HDX: variants seen among roughly 807,000 people sequenced by gnomAD.
HDX encodes the protein highly divergent homeobox.
HDX carries 19 observed loss-of-function variants against 45.2 expected under a neutral mutation model. The ratio of observed to expected loss-of-function variants is 0.42; its 90% CI spans 0.29 to 0.62. The LOEUF (loss-of-function observed/expected upper bound fraction) is 0.62. Among genes scored for constraint, HDX ranks in the 20% least tolerant of loss-of-function variants. HDX has a pLI of 0.20. For missense variants in HDX, 532 were observed against 493.9 expected (o/e 1.08, Z -0.73); for synonymous variants, 188 against 172.8 (o/e 1.09, Z -0.69).
intron 6 of HDX, among the ~76,000 whole-genome samples, chrX:84,359,365 C>A (rs2037563446): frequency 9.2e-6 from 1 of 109,032 alleles, no homozygotes; most frequent in South Asian, 4.1e-4. Context: ...CCAACAGGCC[C>A]CAGTGTGTGT....
Position 84,333,917 on chromosome X carries a change from G to A in HDX, c.1741-75C>T, listed in dbSNP as rs187611715. The A allele has an allele frequency of 7.8e-4, 337 of 429,655 alleles. 2 individuals are homozygous for A. Among genetic ancestry groups the A allele is most frequent in the African/African-American group, 7.3e-3 (290 of 39,465 alleles). The allele number at this position is 429,655 out of a possible 1,213,427, so 35.4% of individuals were successfully genotyped here. A position where few individuals can be genotyped will look rare whatever the true frequency, so the allele number is the denominator to read the frequency against. On this transcript the variant is annotated intron_variant, in intron 8 of 10. Transcript: ENST00000373177. ...ACACTCAGCAATGCATAGAAAATAT[G>A]CATTCAATGTTTAGGTTATCTAGTC...
chrX:84,332,891 T>G (rs1388919609), intron 9 of HDX, among the ~76,000 whole-genome samples: 1 of 112,045 alleles, frequency 8.9e-6, no homozygotes, highest in Admixed American at 9.5e-5. Context: ...TTATGAATAT[T>G]TGGAAAACAG....
intron 5 of HDX, among the ~76,000 whole-genome samples, chrX:84,409,552 G>T (rs777218525): frequency 9.3e-6 from 1 of 107,509 alleles, no homozygotes; most frequent in African/African-American, 3.4e-5. Flanking sequence ...CATAAAAAAT[G>T]ATGAGTTCAT....
At chrX:84,341,338 C>A (rs2037080918) in intron 7 of HDX, among the ~76,000 whole-genome samples, 1 of 111,279 alleles carries the variant, frequency 9.0e-6, no homozygotes, top group Non-Finnish European at 1.9e-5. Context: ...TGCAATATTT[C>A]TTTTTTTCTT....
At chrX:84,396,015 TTCAAAAA>T (rs2038553377) in intron 5 of HDX, among the ~76,000 whole-genome samples, 1 of 112,125 alleles carries the variant, frequency 8.9e-6, no homozygotes, top group Non-Finnish European at 1.9e-5. Flanking sequence ...TCCCTGAGTT[TTCAAAAA>T]TCATTATTAC....
chrX:84,428,704 T>C (rs752541704), intron 5 of HDX, among the ~76,000 whole-genome samples: 3 of 110,465 alleles, frequency 2.7e-5, no homozygotes, highest in Non-Finnish European at 5.7e-5. Flanking sequence ...GAAGCAGGAG[T>C]TTTTGATTGT....
chrX:84,420,780 ATACAT>A (rs2039235247), intron 5 of HDX, among the ~76,000 whole-genome samples: 1 of 108,774 alleles, frequency 9.2e-6, no homozygotes, highest in Admixed American at 9.6e-5. Context: ...TGGAGCTCCA[ATACAT>A]CTGTCAGCAG....
intron 2 of HDX, among the ~76,000 whole-genome samples, chrX:84,487,635 G>C (rs1273901821): frequency 9.0e-6 from 1 of 111,651 alleles, no homozygotes; most frequent in Non-Finnish European, 1.9e-5. Flanking sequence ...AACAACTCAA[G>C]GATGAGCTTA....
At chrX:84,347,255 T>G in intron 6 of HDX, among the ~76,000 whole-genome samples, 1 of 110,724 alleles carries the variant, frequency 9.0e-6, no homozygotes, top group Non-Finnish European at 1.9e-5. Flanking sequence ...GTCACAGTAA[T>G]GTGATCATAG....
chrX:84,494,454 T>G (rs183385791), intron 1 of HDX, among the ~76,000 whole-genome samples: 183 of 111,953 alleles, frequency 1.6e-3, no homozygotes, highest in African/African-American at 5.7e-3. Context: ...ATGAGGGAAG[T>G]ACATACACAA....
chrX:84,422,133 T>A (rs900578014), intron 5 of HDX, among the ~76,000 whole-genome samples: 1 of 111,890 alleles, frequency 8.9e-6, no homozygotes, highest in African/African-American at 3.2e-5. Flanking sequence ...AACAGCCATA[T>A]GAACAGTCAC....
At chrX:84,404,659 G>C (rs185149705) in intron 5 of HDX, among the ~76,000 whole-genome samples, 1 of 111,135 alleles carries the variant, frequency 9.0e-6, no homozygotes, top group Non-Finnish European at 1.9e-5. Flanking sequence ...TGATTTCTAC[G>C]AGTCAAAAGG....
At chrX:84,423,730 G>C (rs1446725140) in intron 5 of HDX, among the ~76,000 whole-genome samples, 1 of 111,643 alleles carries the variant, frequency 9.0e-6, no homozygotes, top group Non-Finnish European at 1.9e-5. Flanking sequence ...CGTTTCAGTT[G>C]ACTTGCTGAA....
intron 4 of HDX, among the ~76,000 whole-genome samples, chrX:84,458,899 AAAG>A (rs1382127483): frequency 1.8e-5 from 2 of 112,197 alleles, no homozygotes; most frequent in African/African-American, 3.2e-5. Context: ...TCAGAAAAAA[AAAG>A]AAAGAAATCT....
intron 4 of HDX, among the ~76,000 whole-genome samples, chrX:84,467,112 G>A (rs1439639023): frequency 9.0e-6 from 1 of 111,319 alleles, no homozygotes; most frequent in Non-Finnish European, 1.9e-5. Flanking sequence ...ATAAAAATGA[G>A]TCAATTATCA....
intron 5 of HDX, among the ~76,000 whole-genome samples, chrX:84,433,925 G>T (rs2039561536): frequency 9.1e-6 from 1 of 109,834 alleles, no homozygotes; most frequent in African/African-American, 3.3e-5. Flanking sequence ...TTATTTCAAG[G>T]CATTTTATTT....
At chrX:84,391,609 T>C (rs1733622320) in intron 5 of HDX, among the ~76,000 whole-genome samples, 1 of 111,572 alleles carries the variant, frequency 9.0e-6, no homozygotes, top group African/African-American at 3.3e-5. Context: ...CTCACTAACA[T>C]TTGTTATTTT....
intron 7 of HDX, among the ~76,000 whole-genome samples, chrX:84,340,513 A>G (rs1304381085): frequency 9.0e-6 from 1 of 110,948 alleles, no homozygotes; most frequent in East Asian, 2.8e-4. Context: ...AGATGTAATT[A>G]ATGGAAATTT....
At chrX:84,461,132 C>T (rs2040228670) in intron 4 of HDX, among the ~76,000 whole-genome samples, 1 of 111,154 alleles carries the variant, frequency 9.0e-6, no homozygotes. Flanking sequence ...CAATCCCCGT[C>T]AAAATACCAA....
Sources: allele counts gnomAD v4.1 joint callset (sites outside exome capture counted in the v4.1 genomes callset), GRCh38; gene constraint gnomAD v4.1.1; transcripts MANE v1.5; gene names NCBI Gene and HGNC (gene_info 2026-07-23, HGNC 2026-07-21).